The following SORCS2 variants were observed in gnomAD, a reference collection of about 807,000 sequenced individuals.
SORCS2 encodes VPS10 domain-containing receptor SorCS2.
Under a neutral mutation model 141.6 loss-of-function variants are expected in SORCS2, and 100 were observed. The ratio of observed to expected loss-of-function variants is 0.71; its 90% CI spans 0.60 to 0.83. SORCS2 has a LOEUF of 0.83. SORCS2 is among the 40% of genes least tolerant of loss of function. The pLI, the probability that SORCS2 is intolerant of heterozygous loss-of-function variation, is 0.00. For synonymous variants in SORCS2, 789 were observed against 676.9 expected (o/e 1.17, Z -2.57); for missense variants, 1,646 against 1,560.2 (o/e 1.05, Z -0.93).
intron 1 of SORCS2, among the ~76,000 whole-genome samples, chr4:7,305,021 A>G (rs1212069547): frequency 2.8e-5 from 4 of 141,212 alleles, no homozygotes; most frequent in East Asian, 2.0e-4. Flanking sequence ...TCAGGCCGAC[A>G]TTCTGGCTCT....
chr4:7,570,871 A>T (rs551155205), intron 3 of SORCS2, among the ~76,000 whole-genome samples: 1 of 152,138 alleles, frequency 6.6e-6, no homozygotes, highest in Non-Finnish European at 1.5e-5. Flanking sequence ...TGAGAAAATA[A>T]CACCATGAGT....
At chr4:7,340,510 G>A (rs1374225277) in intron 1 of SORCS2, among the ~76,000 whole-genome samples, 2 of 152,308 alleles carry the variant, frequency 1.3e-5, no homozygotes, top group South Asian at 2.1e-4. Context: ...TGGGAAAGGC[G>A]CCCCCCAGGT....
intron 4 of SORCS2, among the ~76,000 whole-genome samples, chr4:7,651,929 A>G (rs1223525219): frequency 1.3e-5 from 2 of 152,184 alleles, no homozygotes; most frequent in Non-Finnish European, 2.9e-5. Context: ...GGTGACCTTC[A>G]TCGGTTTAGG....
At chr4:7,269,073 C>G (rs1198351347) in intron 1 of SORCS2, among the ~76,000 whole-genome samples, 1 of 152,046 alleles carries the variant, frequency 6.6e-6, no homozygotes, top group Admixed American at 6.5e-5. Context: ...GTCTAGGAGC[C>G]CCACAGGCAG....
At chr4:7,484,333 AT>A (rs1730842329) in intron 2 of SORCS2, among the ~76,000 whole-genome samples, 1 of 152,084 alleles carries the variant, frequency 6.6e-6, no homozygotes, top group African/African-American at 2.4e-5. Flanking sequence ...ACATTTTCAC[AT>A]TTCTTCATTT....
chr4:7,721,794 G>A (rs1307528632), intron 18 of SORCS2, among the ~76,000 whole-genome samples: 1 of 152,164 alleles, frequency 6.6e-6, no homozygotes, highest in Non-Finnish European at 1.5e-5. Context: ...TTGGCAAGAT[G>A]TTAGCCTTGG....
chr4:7,507,555 G>C (rs947350834), intron 2 of SORCS2, among the ~76,000 whole-genome samples: 2 of 152,222 alleles, frequency 1.3e-5, no homozygotes, highest in African/African-American at 2.4e-5. Context: ...ACCAAAGAAA[G>C]AGAACTTGTC....
At chr4:7,361,446 C>T (rs536224330) in intron 1 of SORCS2, among the ~76,000 whole-genome samples, 1 of 152,310 alleles carries the variant, frequency 6.6e-6, no homozygotes, top group East Asian at 1.9e-4. Flanking sequence ...CTTGGGAGCA[C>T]GACTTGGCAG....
intron 1 of SORCS2, among the ~76,000 whole-genome samples, chr4:7,296,338 C>G (rs1012663519): frequency 9.2e-5 from 14 of 152,214 alleles, no homozygotes; most frequent in African/African-American, 3.4e-4. Flanking sequence ...CTCGTGTTAG[C>G]GGGCAGGCTC....
At chr4:7,723,917 C>T in intron 19 of SORCS2, 34 bp downstream of exon 19, 1 of 1,557,110 alleles carries the variant, frequency 6.4e-7, no homozygotes, top group Non-Finnish European at 8.6e-7. Flanking sequence ...CCAAAGGTCA[C>T]TCCCTTTGAG....
intron 2 of SORCS2, among the ~76,000 whole-genome samples, chr4:7,520,492 A>T (rs1339356790): frequency 6.6e-6 from 1 of 152,182 alleles, no homozygotes; most frequent in Admixed American, 6.5e-5. Context: ...GATTGCGCCC[A>T]GCCCAGCTTC....
At chr4:7,734,865 C>T (rs1372589423) in intron 25 of SORCS2, among the ~76,000 whole-genome samples, 8 of 152,188 alleles carry the variant, frequency 5.3e-5, no homozygotes, top group African/African-American at 9.7e-5. Context: ...TCCTGCCAGG[C>T]GCTCCCGTGG....
At chr4:7,699,675 G>C (rs1724933580) in intron 12 of SORCS2, among the ~76,000 whole-genome samples, 1 of 152,158 alleles carries the variant, frequency 6.6e-6, no homozygotes, top group African/African-American at 2.4e-5. Flanking sequence ...GGGGAATCAT[G>C]CTCGGGCATG....
intron 1 of SORCS2, among the ~76,000 whole-genome samples, chr4:7,351,444 T>A (rs559023930): frequency 6.6e-6 from 1 of 152,326 alleles, no homozygotes; most frequent in South Asian, 2.1e-4. Flanking sequence ...CACACTGTCT[T>A]CTTCTGTCTG....
intron 1 of SORCS2, among the ~76,000 whole-genome samples, chr4:7,391,700 A>G (rs1723875903): frequency 1.3e-5 from 2 of 152,224 alleles, no homozygotes; most frequent in South Asian, 4.1e-4. Context: ...TACCAGGACC[A>G]GGGTCTGTCC....
At chr4:7,618,220 G>A (rs1399825289) in intron 3 of SORCS2, among the ~76,000 whole-genome samples, 2 of 152,068 alleles carry the variant, frequency 1.3e-5, no homozygotes, top group African/African-American at 2.4e-5. Context: ...AAAACTCAGG[G>A]GTCATCCATT....
Position 7,192,798 on chromosome 4 carries a change from G to A in SORCS2, c.152G>A (p.Arg51His), listed in dbSNP as rs1170035229. The change falls in exon 1 of 27, where the codon CGC (arginine) becomes CAC (histidine). Residue 51 changes from arginine to histidine, a missense_variant. By Grantham distance (29) the Arg-to-His change is conservative. Transcript: ENST00000507866. The surrounding 1 kb of genome is among the most constrained non-coding windows in gnomAD (Gnocchi z 4.0). ...CTGGGCGCCTGCGGGGCGGCGGGGC[G>A]CTCCCCTGAGCCCGGGCGCCTGGGT... is the stretch of plus-strand genomic sequence containing the variant. ...LLLGACGAAG[R>H]SPEPGRLGPH... The A allele has an allele frequency of 9.8e-7, 1 of 1,019,218 alleles. No individual in the cohort carries two copies. The highest frequency in any genetic ancestry group is 1.2e-6 in the Non-Finnish European group (1 of 854,066). 63.1% of individuals were successfully genotyped at this position (1,019,218 alleles called of 1,614,324 possible).
intron 2 of SORCS2, among the ~76,000 whole-genome samples, chr4:7,515,216 T>C (rs940410990): frequency 1.3e-5 from 2 of 152,218 alleles, no homozygotes; most frequent in Non-Finnish European, 2.9e-5. Flanking sequence ...GTCCAGTGAG[T>C]ACAGTGGCCA....
At chr4:7,368,095 CT>C (rs1722014626) in intron 1 of SORCS2, among the ~76,000 whole-genome samples, 1 of 152,242 alleles carries the variant, frequency 6.6e-6, no homozygotes, top group African/African-American at 2.4e-5. Context: ...CCACCCACCC[CT>C]GTTCACGTGT....
Sources: gnomAD v4.1 joint callset for allele counts (sites outside exome capture counted in the v4.1 genomes callset) on GRCh38, gnomAD v4.1.1 for gene constraint, Gnocchi (gnomAD v3.1) non-coding constraint, MANE v1.5 for transcripts, NCBI Gene and HGNC (gene_info 2026-07-23, HGNC 2026-07-21) for gene names.